Variants in WARS2 observed in about 807,000 individuals in gnomAD.
WARS2 encodes tryptophan--tRNA ligase, mitochondrial.
In WARS2, 28 loss-of-function variants were observed where a neutral mutation model predicts 36.5. The observed-to-expected ratio is 0.77, with a 90% CI of 0.57 to 1.05. The LOEUF is 1.05. Among genes scored for constraint, WARS2 ranks in the 50% least tolerant of loss-of-function variants. The probability of loss-of-function intolerance (pLI) is 0.00; values close to 1 mark genes in which losing one functional copy is unlikely to be tolerated. For missense variants in WARS2, 435 were observed against 456.8 expected, an observed-to-expected ratio of 0.95 and a Z score of 0.44; for synonymous variants, 174 against 178.4, an observed-to-expected ratio of 0.98 and a Z score of 0.20.
chr1:119,098,578 C>T (rs1431430663), intron 1 of WARS2, among the ~76,000 whole-genome samples: 1 of 151,774 alleles, frequency 6.6e-6, no homozygotes, highest in African/African-American at 2.4e-5. Context: ...GCTAGCATTA[C>T]AGGCGCCCGC....
At chr1:119,139,994 G>A (rs1656825665) in intron 1 of WARS2, 1 of 152,134 alleles carries the variant, frequency 6.6e-6, no homozygotes, top group South Asian at 2.1e-4. Context: ...AGCAGCTTGC[G>A]GTCACTCTTT....
chr1:119,075,997 C>G (rs1227234900), intron 2 of WARS2, among the ~76,000 whole-genome samples: 1 of 152,170 alleles, frequency 6.6e-6, no homozygotes, highest in Non-Finnish European at 1.5e-5. Context: ...TAACTTCTAT[C>G]CTTGATCACA....
intron 1 of WARS2, among the ~76,000 whole-genome samples, chr1:119,113,208 G>A (rs1435741136): frequency 2.6e-5 from 4 of 152,158 alleles, no homozygotes; most frequent in Admixed American, 2.6e-4. Context: ...AAGCAGAAAA[G>A]GCTGAGTAGC....
chr1:119,114,465 T>C (rs996230200), intron 1 of WARS2, among the ~76,000 whole-genome samples: 1 of 152,170 alleles, frequency 6.6e-6, no homozygotes, highest in Non-Finnish European at 1.5e-5. Flanking sequence ...GTAAAGTCCC[T>C]AAATGAGGAG....
chr1:119,098,836 A>C (rs1453726683), intron 1 of WARS2, among the ~76,000 whole-genome samples: 3 of 152,060 alleles, frequency 2.0e-5, no homozygotes, highest in African/African-American at 7.2e-5. Flanking sequence ...TCCTGGATAC[A>C]AGTGATTCTC....
chr1:119,139,898 A>G (rs587678319), intron 1 of WARS2: 3 of 152,280 alleles, frequency 2.0e-5, no homozygotes, highest in South Asian at 4.1e-4. Context: ...ACAATTCCCA[A>G]TAAGACCAGG....
intron 1 of WARS2, among the ~76,000 whole-genome samples, chr1:119,129,606 A>T (rs1457091909): frequency 6.6e-6 from 1 of 152,128 alleles, no homozygotes; most frequent in African/African-American, 2.4e-5. Context: ...GCTACGCAGG[A>T]AGCTGAGTAT....
chr1:119,079,215 T>A (rs1374487348), intron 1 of WARS2, among the ~76,000 whole-genome samples: 1 of 152,182 alleles, frequency 6.6e-6, no homozygotes, highest in African/African-American at 2.4e-5. Context: ...GGTAAGGGTC[T>A]GGTCTTTCAA....
intron 2 of WARS2, among the ~76,000 whole-genome samples, chr1:119,071,979 A>C (rs932394719): frequency 7.9e-5 from 12 of 152,214 alleles, no homozygotes; most frequent in Admixed American, 7.8e-4. Flanking sequence ...AAGAAGAAAA[A>C]GAAAAAAAGA....
At chr1:119,137,687 TGAC>T (rs2101587123) in intron 1 of WARS2, among the ~76,000 whole-genome samples, 1 of 152,338 alleles carries the variant, frequency 6.6e-6, no homozygotes, top group East Asian at 1.9e-4. Flanking sequence ...TCTGACTTTA[TGAC>T]TACGCTCATC....
chr1:119,042,102 C>A (rs188387510), intron 4 of WARS2, among the ~76,000 whole-genome samples, 162 bp downstream of exon 4: 1 of 152,264 alleles, frequency 6.6e-6, no homozygotes, highest in East Asian at 1.9e-4. Context: ...TAGAAACATA[C>A]TTCTATAATG....
intron 2 of WARS2, chr1:119,063,870 G>C (rs1472219481): frequency 1.3e-5 from 2 of 152,212 alleles, no homozygotes; most frequent in Non-Finnish European, 2.9e-5. Context: ...CCTCTGCTAG[G>C]GTAGTGTGGA....
chr1:119,060,402 C>G (rs138830520), intron 2 of WARS2, among the ~76,000 whole-genome samples: 6 of 152,228 alleles, frequency 3.9e-5, no homozygotes, highest in Non-Finnish European at 5.9e-5. Context: ...ACAGATCTTT[C>G]CCTCTTCTCA....
At chr1:119,053,716 A>G (rs1649552037) in intron 2 of WARS2, among the ~76,000 whole-genome samples, 1 of 152,204 alleles carries the variant, frequency 6.6e-6, no homozygotes, top group Non-Finnish European at 1.5e-5. Context: ...TTTGCAAATC[A>G]TATGTCTGGC....
chr1:119,071,935 G>C (rs936912317), intron 2 of WARS2, among the ~76,000 whole-genome samples: 5 of 151,638 alleles, frequency 3.3e-5, no homozygotes, highest in Admixed American at 3.3e-4. Flanking sequence ...TTAAAATAAA[G>C]AAAAAAGAAT....
intron 1 of WARS2, chr1:119,086,057 GC>G (rs1267766495): frequency 8.0e-7 from 1 of 1,253,404 alleles, no homozygotes; most frequent in Non-Finnish European, 1.1e-6. Context: ...GCAAGGTCTT[GC>G]TATCTTGCCC....
intron 2 of WARS2, among the ~76,000 whole-genome samples, chr1:119,059,710 A>G (rs1290868692): frequency 1.3e-5 from 2 of 152,184 alleles, no homozygotes; most frequent in Non-Finnish European, 2.9e-5. Flanking sequence ...ATAAAAATGT[A>G]TGTTGAAATT....
intron 1 of WARS2, among the ~76,000 whole-genome samples, chr1:119,084,021 C>T (rs1224541860): frequency 4.6e-5 from 7 of 150,964 alleles, no homozygotes; most frequent in East Asian, 1.9e-4. Flanking sequence ...TTTCCTCATA[C>T]GATGTTTTTT....
chr1:119,132,477 C>T (rs1410351654), intron 1 of WARS2, among the ~76,000 whole-genome samples: 1 of 152,102 alleles, frequency 6.6e-6, no homozygotes, highest in Non-Finnish European at 1.5e-5. Context: ...TTACCCTCAG[C>T]CCAAGAAGCC....
Sources: gnomAD v4.1 joint callset for allele counts (sites outside exome capture counted in the v4.1 genomes callset) on GRCh38, gnomAD v4.1.1 for gene constraint, MANE v1.5 for transcripts, NCBI Gene and HGNC (gene_info 2026-07-23, HGNC 2026-07-21) for gene names.